ATPSCKMT: variants seen among roughly 807,000 people sequenced by gnomAD.
The protein encoded by ATPSCKMT is ATP synthase c subunit lysine N-methyltransferase.
In ATPSCKMT, 24 loss-of-function variants were observed where a neutral mutation model predicts 24.3. That is an observed-to-expected ratio of 0.99 (90% CI 0.71 to 1.39). The LOEUF (loss-of-function observed/expected upper bound fraction) is 1.39, where lower values mean the gene tolerates loss of function less well. Ranked by LOEUF, ATPSCKMT falls within the 40% of genes most tolerant of loss-of-function variation. ATPSCKMT has a pLI of 0.00. For missense variants in ATPSCKMT, 311 were observed against 298.4 expected, an observed-to-expected ratio of 1.04 and a Z score of -0.31; for synonymous variants, 95 against 110.5, an observed-to-expected ratio of 0.86 and a Z score of 0.88.
intron 1 of ATPSCKMT, among the ~76,000 whole-genome samples, chr5:10,242,358 T>C (rs1744684141): frequency 6.6e-6 from 1 of 152,214 alleles, no homozygotes; most frequent in South Asian, 2.1e-4. Flanking sequence ...TCCTCACCAG[T>C]AGTAGATTCC....
At chr5:10,245,632 T>C (rs1308986236) in intron 1 of ATPSCKMT, among the ~76,000 whole-genome samples, 3 of 151,226 alleles carry the variant, frequency 2.0e-5, no homozygotes, top group Admixed American at 2.0e-4. Context: ...CTGTGGTCCC[T>C]GCTACTTGGG....
intron 1 of ATPSCKMT, among the ~76,000 whole-genome samples, chr5:10,245,129 A>G (rs975880853): frequency 2.6e-5 from 4 of 152,166 alleles, no homozygotes; most frequent in African/African-American, 9.7e-5. Flanking sequence ...ATTTGTTTAA[A>G]CACAATTCAA....
chr5:10,231,864 G>GA (rs1280941602), intron 4 of ATPSCKMT, among the ~76,000 whole-genome samples: 1 of 152,096 alleles, frequency 6.6e-6, no homozygotes, highest in Non-Finnish European at 1.5e-5. Context: ...ATTCAGCTAC[G>GA]AGTTATTTTT....
chr5:10,244,309 CAG>C (rs1483974587), intron 1 of ATPSCKMT: 1 of 152,094 alleles, frequency 6.6e-6, no homozygotes, highest in Non-Finnish European at 1.5e-5. Flanking sequence ...AAATGTGACA[CAG>C]AGATAAAAAG....
chr5:10,234,140 C>T (rs960973898), intron 4 of ATPSCKMT, among the ~76,000 whole-genome samples: 3 of 152,156 alleles, frequency 2.0e-5, no homozygotes, highest in Admixed American at 1.3e-4. Flanking sequence ...CCAGCCTGGC[C>T]AACATGGCAA....
intron 2 of ATPSCKMT, among the ~76,000 whole-genome samples, chr5:10,237,904 G>A (rs918028799): frequency 6.6e-6 from 1 of 152,022 alleles, no homozygotes; most frequent in Non-Finnish European, 1.5e-5. Context: ...GCACCATCAT[G>A]CCTGGCTAAT....
At chr5:10,246,296 T>C (rs942015224) in intron 1 of ATPSCKMT, among the ~76,000 whole-genome samples, 1 of 152,090 alleles carries the variant, frequency 6.6e-6, no homozygotes, top group Non-Finnish European at 1.5e-5. Context: ...TAGCCAGGCA[T>C]GGTGGTGCAC....
intron 4 of ATPSCKMT, among the ~76,000 whole-genome samples, chr5:10,228,896 T>C (rs919697472): frequency 1.3e-5 from 2 of 152,082 alleles, no homozygotes; most frequent in Non-Finnish European, 2.9e-5. Flanking sequence ...TCTCAAAGTG[T>C]TGGGACTACA....
At chr5:10,248,872 C>T (rs554329992) in intron 1 of ATPSCKMT, among the ~76,000 whole-genome samples, 2 of 152,304 alleles carry the variant, frequency 1.3e-5, no homozygotes, top group African/African-American at 4.8e-5. Context: ...CTAAACCTAT[C>T]AAATATTAAG....
intron 4 of ATPSCKMT, among the ~76,000 whole-genome samples, chr5:10,231,805 T>C (rs1220022853): frequency 1.3e-5 from 2 of 152,192 alleles, no homozygotes; most frequent in Non-Finnish European, 2.9e-5. Flanking sequence ...GGGCTTGCTA[T>C]AGTGGCCACA....
intron 4 of ATPSCKMT, among the ~76,000 whole-genome samples, chr5:10,229,862 G>A (rs7716851): frequency 0.17 from 26,403 of 152,200 alleles, 3,781 homozygotes; most frequent in East Asian, 0.76. Context: ...GGCTCTTGCC[G>A]CTGGCTTCTC....
rs781132470 is a variant in ATPSCKMT at position 10,225,819 on chromosome 5, G to A, written c.*1622C>T. Among the ~76,000 whole-genome samples, 19 of 151,968 alleles carry A rather than the reference G, an allele frequency of 1.3e-4. No homozygotes were observed. The highest frequency in any genetic ancestry group is 5.2e-4 in the Admixed American group (8 of 15,256). ...CTTCTAGAAAATGTTGAACACCTCC[G>A]AGGCCCCACAGAACCCTCCTCTACC... On this transcript the variant is annotated 3_prime_UTR_variant, in exon 5 of 5. Transcript: ENST00000511437.
intron 1 of ATPSCKMT, among the ~76,000 whole-genome samples, chr5:10,245,611 G>C (rs2126467245): frequency 6.6e-6 from 1 of 152,058 alleles, no homozygotes; most frequent in Non-Finnish European, 1.5e-5. Flanking sequence ...GCCAGGCCTG[G>C]TGGTGTGCAT....
At chr5:10,232,060 G>T (rs561046992) in intron 4 of ATPSCKMT, among the ~76,000 whole-genome samples, 1 of 152,110 alleles carries the variant, frequency 6.6e-6, no homozygotes, top group African/African-American at 2.4e-5. Flanking sequence ...ACCATCAGCC[G>T]GACATGGTGG....
chr5:10,242,531 A>G (rs916480229), intron 1 of ATPSCKMT, among the ~76,000 whole-genome samples: 1 of 152,106 alleles, frequency 6.6e-6, no homozygotes, highest in African/African-American at 2.4e-5. Flanking sequence ...TTAGGTCTCA[A>G]AGTCATCCAT....
chr5:10,231,690 C>G (rs894153684), intron 4 of ATPSCKMT, among the ~76,000 whole-genome samples: 1 of 152,014 alleles, frequency 6.6e-6, no homozygotes, highest in Admixed American at 6.6e-5. Flanking sequence ...GATGCATCTT[C>G]TACAGGCATC....
intron 2 of ATPSCKMT, chr5:10,236,883 T>C: frequency 7.0e-7 from 1 of 1,424,336 alleles, no homozygotes; most frequent in Non-Finnish European, 9.3e-7. Flanking sequence ...AACACCTCCA[T>C]AATTGATTCT....
Position 10,227,461 on chromosome 5 carries a change from G to A in ATPSCKMT, c.682C>T (p.Gln228Ter). 1 of 1,614,160 alleles carries A rather than the reference G, an allele frequency of 6.2e-7. No individual in the cohort carries two copies. The highest frequency in any genetic ancestry group is 8.5e-7 in the Non-Finnish European group (1 of 1,180,036). Residue 228 changes from glutamine to a stop codon, truncating the protein, a stop_gained, in exon 5 of 5, where the codon CAG (glutamine) becomes TAG (stop). Coordinates refer to ENST00000511437, the MANE Select transcript of ATPSCKMT (RefSeq NM_199133.4). LOFTEE classifies it low-confidence loss of function (END_TRUNC). ...EKRPCTSMHF[Q>*]LPIQA ...CAAGTTTATGCTTGAATGGGCAGCTGGAAATGCATCGATGTACAGGGCCTC... is the reference window on the plus strand; with the variant it reads ...CAAGTTTATGCTTGAATGGGCAGCTAGAAATGCATCGATGTACAGGGCCTC...
intron 3 of ATPSCKMT, 139 bp from the exon 4 acceptor site, chr5:10,235,400 TC>T (rs1274997419): frequency 3.0e-6 from 2 of 671,726 alleles, no homozygotes; most frequent in East Asian, 2.7e-5. Flanking sequence ...ACAGCGGCCC[TC>T]CTTAAGATTT....
Sources: allele counts gnomAD v4.1 joint callset (sites outside exome capture counted in the v4.1 genomes callset), GRCh38; gene constraint gnomAD v4.1.1; transcripts MANE v1.5; gene names NCBI Gene and HGNC (gene_info 2026-07-23, HGNC 2026-07-21).